PKN2: variants seen among roughly 807,000 people sequenced by gnomAD.
PKN2 encodes the protein protein kinase N2.
In PKN2, 38 loss-of-function variants were observed where a neutral mutation model predicts 119.1. The observed-to-expected ratio is 0.32, with a 90% CI of 0.25 to 0.42. The LOEUF is 0.42. PKN2 is among the 10% of genes least tolerant of loss of function. The probability of loss-of-function intolerance (pLI) is 1.00; values close to 1 mark genes in which losing one functional copy is unlikely to be tolerated. For missense variants in PKN2, 850 were observed against 1,165.1 expected, an observed-to-expected ratio of 0.73 and a Z score of 3.94; for synonymous variants, 390 against 384.9, an observed-to-expected ratio of 1.01 and a Z score of -0.15.
chr1:88,831,015 TCTA>T (rs1307177883), intron 19 of PKN2, among the ~76,000 whole-genome samples: 4 of 152,032 alleles, frequency 2.6e-5, no homozygotes, highest in African/African-American at 7.2e-5. Context: ...TTTGTATACT[TCTA>T]CTAGTTTTGA....
At chr1:88,756,104 G>T (rs918585744) in intron 2 of PKN2, among the ~76,000 whole-genome samples, 18 of 151,880 alleles carry the variant, frequency 1.2e-4, no homozygotes, top group African/African-American at 4.1e-4. Flanking sequence ...TAGAGACGGG[G>T]TTTCACCATG....
intron 2 of PKN2, among the ~76,000 whole-genome samples, chr1:88,758,457 T>C (rs1012015707): frequency 2.6e-5 from 4 of 152,154 alleles, no homozygotes; most frequent in Non-Finnish European, 5.9e-5. Flanking sequence ...GGTTTTATTA[T>C]ACAGATTATT....
At chr1:88,687,682 T>G (rs1404356046) in intron 1 of PKN2, among the ~76,000 whole-genome samples, 1 of 152,178 alleles carries the variant, frequency 6.6e-6, no homozygotes, top group East Asian at 1.9e-4. Context: ...CTCAGCAGAT[T>G]TTATTTAGAT....
intron 3 of PKN2, among the ~76,000 whole-genome samples, chr1:88,764,153 C>A (rs1669563530): frequency 6.6e-6 from 1 of 152,120 alleles, no homozygotes; most frequent in Non-Finnish European, 1.5e-5. Context: ...TTCTAAAACA[C>A]CTTCCTCTCT....
chr1:88,717,801 C>T (rs957918368), intron 1 of PKN2, among the ~76,000 whole-genome samples: 14 of 152,068 alleles, frequency 9.2e-5, no homozygotes, highest in Non-Finnish European at 2.9e-5. Flanking sequence ...TCTGTCAACT[C>T]GTCAAAGTCA....
At chr1:88,791,566 A>C (rs567371177) in intron 8 of PKN2, among the ~76,000 whole-genome samples, 1 of 152,296 alleles carries the variant, frequency 6.6e-6, no homozygotes. Context: ...ATGGCTGGGT[A>C]TGCAGCAAGA....
At chr1:88,700,062 C>T (rs989958848) in intron 1 of PKN2, among the ~76,000 whole-genome samples, 12 of 152,176 alleles carry the variant, frequency 7.9e-5, no homozygotes, top group Admixed American at 5.9e-4. Context: ...GAATTACAGG[C>T]ATGAGCCACC....
intron 8 of PKN2, among the ~76,000 whole-genome samples, chr1:88,803,877 T>G (rs1449501759): frequency 1.3e-5 from 2 of 152,214 alleles, no homozygotes; most frequent in African/African-American, 2.4e-5. Flanking sequence ...TTAAATGACC[T>G]AATATTCTTA....
intron 2 of PKN2, among the ~76,000 whole-genome samples, chr1:88,758,879 T>G (rs1353487285): frequency 2.6e-5 from 4 of 152,190 alleles, no homozygotes; most frequent in African/African-American, 4.8e-5. Context: ...ACAGAACGAT[T>G]TATATTGCTT....
At chr1:88,729,416 G>A (rs1668038850) in intron 1 of PKN2, among the ~76,000 whole-genome samples, 1 of 152,128 alleles carries the variant, frequency 6.6e-6, no homozygotes. Context: ...TCTCAACTGG[G>A]CTCACTTATG....
At chr1:88,738,591 G>A (rs781195399) in intron 1 of PKN2, among the ~76,000 whole-genome samples, 12 of 152,200 alleles carry the variant, frequency 7.9e-5, no homozygotes, top group Admixed American at 1.3e-4. Flanking sequence ...GGCAGTAAAC[G>A]AAAGTGTTAG....
chr1:88,684,276 G>GCCGCAGCGC lies in PKN2; in HGVS notation c.-299_-291dup. ...TGCGACAGGAGGAGCTGCAGCCGCG[G>GCCGCAGCGC]CCGCAGCGCCCGCACGGAGAGGCTT... On this transcript the variant is annotated 5_prime_UTR_variant, in exon 1 of 22. Coordinates refer to ENST00000370521, the MANE Select transcript of PKN2 (RefSeq NM_006256.4). 1 of 343,006 alleles carries GCCGCAGCGC rather than the reference G, an allele frequency of 2.9e-6. No homozygotes were observed. The highest frequency in any genetic ancestry group is 5.3e-6 in the Non-Finnish European group (1 of 188,210). 21.2% of individuals were successfully genotyped at this position (343,006 alleles called of 1,614,324 possible).
At chr1:88,721,067 T>C (rs115838330) in intron 1 of PKN2, among the ~76,000 whole-genome samples, 50 of 152,320 alleles carry the variant, frequency 3.3e-4, no homozygotes, top group African/African-American at 1.1e-3. Flanking sequence ...TAATTGCAAA[T>C]TGTGCTGCTA....
intron 1 of PKN2, among the ~76,000 whole-genome samples, chr1:88,729,637 G>C (rs911418956): frequency 6.6e-6 from 1 of 152,148 alleles, no homozygotes; most frequent in Non-Finnish European, 1.5e-5. Context: ...AACAAGCTAT[G>C]AGCTCTCTTG....
chr1:88,689,764 T>A (rs887409872), intron 1 of PKN2, among the ~76,000 whole-genome samples: 1 of 152,170 alleles, frequency 6.6e-6, no homozygotes, highest in African/African-American at 2.4e-5. Flanking sequence ...TGAGCTGAGA[T>A]CACGCAACTG....
At chr1:88,727,357 G>A (rs938774753) in intron 1 of PKN2, among the ~76,000 whole-genome samples, 3 of 151,994 alleles carry the variant, frequency 2.0e-5, no homozygotes, top group Non-Finnish European at 2.9e-5. Context: ...TTTTTTAAGA[G>A]ATGGGGTCTC....
At chr1:88,713,599 C>A (rs186835599) in intron 1 of PKN2, among the ~76,000 whole-genome samples, 7 of 152,214 alleles carry the variant, frequency 4.6e-5, no homozygotes, top group Admixed American at 2.6e-4. Flanking sequence ...CCGTTCATAT[C>A]CTTTGCCCAC....
chr1:88,813,112 C>T (rs1319644981), intron 15 of PKN2, among the ~76,000 whole-genome samples: 1 of 152,034 alleles, frequency 6.6e-6, no homozygotes, highest in East Asian at 1.9e-4. Flanking sequence ...AACTTCATAT[C>T]AATTTTATAT....
At chr1:88,791,630 T>A (rs1003885758) in intron 8 of PKN2, among the ~76,000 whole-genome samples, 12 of 152,126 alleles carry the variant, frequency 7.9e-5, no homozygotes, top group African/African-American at 2.9e-4. Flanking sequence ...TGTGTAAAAT[T>A]TAAAGCAGGG....
Sources: allele counts gnomAD v4.1 joint callset (sites outside exome capture counted in the v4.1 genomes callset), GRCh38; gene constraint gnomAD v4.1.1; transcripts MANE v1.5; gene names NCBI Gene and HGNC (gene_info 2026-07-23, HGNC 2026-07-21).